HMCES: variants seen among roughly 807,000 people sequenced by gnomAD.
The protein encoded by HMCES is 5-hydroxymethylcytosine binding, ES cell specific.
Under a neutral mutation model 35.1 loss-of-function variants are expected in HMCES, and 27 were observed. The observed-to-expected ratio is 0.77, with a 90% CI of 0.57 to 1.06. The LOEUF (loss-of-function observed/expected upper bound fraction) is 1.06. Ranked by LOEUF, HMCES falls within the 50% of genes least tolerant of loss-of-function variation. The pLI, the probability that HMCES is intolerant of heterozygous loss-of-function variation, is 0.00. For missense variants in HMCES, 391 were observed against 430.4 expected (o/e 0.91, Z 0.81); for synonymous variants, 130 against 154.7 (o/e 0.84, Z 1.18).
At position 129,279,563 on chromosome 3, in the gene HMCES, C is replaced by G. The variant is rs1179495920; in HGVS notation, c.-23-147C>G. The G allele has an allele frequency of 2.6e-6, 2 of 768,672 alleles. No individual in the cohort carries two copies. The highest frequency in any genetic ancestry group is 3.5e-5 in the African/African-American group (2 of 56,708). The allele number at this position is 768,672 out of a possible 1,614,324, so 47.6% of individuals were successfully genotyped here. A position where few individuals can be genotyped will look rare whatever the true frequency, so the allele number is the denominator to read the frequency against. On this transcript the variant is annotated intron_variant, in intron 1 of 6. Transcript: ENST00000383463. The surrounding 1 kb of genome is among the most constrained non-coding windows in gnomAD (Gnocchi z 4.2). ...GCGAAGCAAACGGGCACATCCTTGTCTTTGTGGGACTTTTTGGGGAAGACT... is the reference window on the plus strand; with the variant it reads ...GCGAAGCAAACGGGCACATCCTTGTGTTTGTGGGACTTTTTGGGGAAGACT...
chr3:129,293,755 A>T (rs1476145553), intron 4 of HMCES, among the ~76,000 whole-genome samples: 2 of 151,674 alleles, frequency 1.3e-5, no homozygotes, highest in Non-Finnish European at 2.9e-5. Context: ...TTTAGTAGAG[A>T]CAGGGTTTCA....
intron 4 of HMCES, among the ~76,000 whole-genome samples, chr3:129,292,452 A>G (rs893158942): frequency 6.7e-6 from 1 of 148,316 alleles, no homozygotes; most frequent in African/African-American, 2.5e-5. Context: ...AGATTGCACC[A>G]CTGCACTCCA....
At chr3:129,280,917 C>T (rs544402900) in intron 2 of HMCES, among the ~76,000 whole-genome samples, 2 of 152,270 alleles carry the variant, frequency 1.3e-5, no homozygotes, top group South Asian at 2.1e-4. Flanking sequence ...ATGACCTTGA[C>T]ATGTTTTTAA....
At chr3:129,281,396 A>G (rs1368541856) in intron 2 of HMCES, among the ~76,000 whole-genome samples, 1 of 152,148 alleles carries the variant, frequency 6.6e-6, no homozygotes, top group Non-Finnish European at 1.5e-5. Flanking sequence ...ATCATTTTGA[A>G]ATAAAGATAA....
intron 4 of HMCES, among the ~76,000 whole-genome samples, chr3:129,294,190 G>A (rs755429293): frequency 7.2e-5 from 11 of 152,170 alleles, no homozygotes; most frequent in South Asian, 6.2e-4. Context: ...AGGCTAAGGC[G>A]GGCGGATCAT....
rs1285716557 is a variant in HMCES at position 129,304,784 on chromosome 3, AAGG to A, written c.1032_1034del (p.Glu345del). 32 of 1,613,840 alleles carry A rather than the reference AAGG, an allele frequency of 2.0e-5. No homozygotes were observed. The highest frequency in any genetic ancestry group is 2.6e-5 in the Non-Finnish European group (31 of 1,180,010). ...CCTAGAGCAATGGCTGAAGCGGGAG[AAGG>A]AGGAGGAACCTGTGGCCAAGCGTCC... On this transcript the variant is annotated inframe_deletion, in exon 7 of 7. Coordinates refer to ENST00000383463, the MANE Select transcript of HMCES (RefSeq NM_020187.3).
At chr3:129,287,339 T>G (rs1271894781) in intron 2 of HMCES, among the ~76,000 whole-genome samples, 2 of 152,028 alleles carry the variant, frequency 1.3e-5, no homozygotes, top group African/African-American at 4.8e-5. Flanking sequence ...TCCTCCTACC[T>G]CTGCCTTCTA....
chr3:129,281,922 G>A (rs1227568747), intron 2 of HMCES, among the ~76,000 whole-genome samples: 4 of 114,308 alleles, frequency 3.5e-5, no homozygotes, highest in Non-Finnish European at 5.0e-5. Flanking sequence ...GCAAGACTCA[G>A]TCTCAAAAAA....
At chr3:129,299,418 A>G (rs1312288608) in intron 5 of HMCES, among the ~76,000 whole-genome samples, 3 of 152,176 alleles carry the variant, frequency 2.0e-5, no homozygotes, top group Admixed American at 1.3e-4. Context: ...GATTCAATGT[A>G]TAGCCTTCTC....
chr3:129,298,108 T>C (rs1198284326), intron 4 of HMCES, among the ~76,000 whole-genome samples: 1 of 152,204 alleles, frequency 6.6e-6, no homozygotes, highest in Non-Finnish European at 1.5e-5. Flanking sequence ...GGTGGGCCAG[T>C]TCACGGAAGG....
At chr3:129,281,809 G>A (rs1007018923) in intron 2 of HMCES, among the ~76,000 whole-genome samples, 1 of 150,746 alleles carries the variant, frequency 6.6e-6, no homozygotes, top group Non-Finnish European at 1.5e-5. Context: ...TTTGAGATCA[G>A]TCTGGCCAAC....
chr3:129,302,230 C>A, intron 6 of HMCES, 88 bp downstream of exon 6: 1 of 1,169,330 alleles, frequency 8.6e-7, no homozygotes, highest in Non-Finnish European at 1.2e-6. Context: ...CTTTTATGAT[C>A]AGCCCTTTAA....
In HMCES at chr3:129,298,476, G is replaced by A. The variant is rs755672193; in HGVS notation, c.576G>A (p.Leu192=). 6.2e-7 allele frequency: 1 copy of A among 1,614,138 alleles called. No homozygotes were observed. Among genetic ancestry groups the A allele is most frequent in the South Asian group, 1.1e-5 (1 of 91,082 alleles). Residue 192 remains leucine (L), a synonymous_variant, in exon 5 of 7, where the codon CTG becomes CTA. Coordinates refer to ENST00000383463, the MANE Select transcript of HMCES (RefSeq NM_020187.3). ...AGCCCCCAGAGGGAGGAGATGTCCT[G>A]TATTCCTATACCATCATCACAGTGG... ...CWEPPEGGDV[L]YSYTIITVDS... is the part of the protein sequence containing the mutation.
Position 129,279,122 on chromosome 3 carries a change from C to A in HMCES, c.-24+217C>A, listed in dbSNP as rs541773958. 6.6e-6 allele frequency: 1 copy of A among 152,214 alleles called. No individual in the cohort carries two copies. The highest frequency in any genetic ancestry group is 1.5e-5 in the Non-Finnish European group (1 of 68,056). 9.4% of individuals were successfully genotyped at this position (152,214 alleles called of 1,614,324 possible). A position where few individuals can be genotyped will look rare whatever the true frequency, so the allele number is the denominator to read the frequency against. On this transcript the variant is annotated intron_variant, in intron 1 of 6. Transcript: ENST00000383463. The surrounding 1 kb of genome is among the most constrained non-coding windows in gnomAD (Gnocchi z 4.2). ...GCGGGGAGGGGCGAGGGATCGCGGC[C>A]GGTGGCTGGGGGCCACCTGCTCCCC...
chr3:129,279,866 G>A lies in HMCES; in HGVS notation c.134G>A (p.Ser45Asn), dbSNP rs1173998980. 2 of 1,610,974 alleles carry A rather than the reference G, an allele frequency of 1.2e-6. No individual in the cohort carries two copies. The highest frequency in any genetic ancestry group is 1.7e-6 in the Non-Finnish European group (2 of 1,178,948). The part of the protein sequence containing the change: ...PDKYCPSYNK[S>N]PQSNSPVLLS... The stretch of plus-strand genomic sequence containing the variant: ...AAGTACTGCCCCTCTTACAACAAGA[G>A]TCCTCAATCCAACAGCCCAGTGCTT... Residue 45 changes from serine to asparagine, a missense_variant, in exon 2 of 7, where the codon AGT becomes AAT. Coordinates refer to ENST00000383463, the MANE Select transcript of HMCES (RefSeq NM_020187.3). The surrounding 1 kb of genome is among the most constrained non-coding windows in gnomAD (Gnocchi z 4.2).
At chr3:129,298,112 C>T (rs1467269823) in intron 4 of HMCES, among the ~76,000 whole-genome samples, 3 of 152,116 alleles carry the variant, frequency 2.0e-5, no homozygotes, top group Non-Finnish European at 1.5e-5. Context: ...GGCCAGTTCA[C>T]GGAAGGCCTA....
intron 5 of HMCES, among the ~76,000 whole-genome samples, chr3:129,299,241 G>A (rs1202667747): frequency 6.6e-6 from 1 of 152,172 alleles, no homozygotes; most frequent in Non-Finnish European, 1.5e-5. Flanking sequence ...AGTGAGTGTT[G>A]GAAGAAATGC....
chr3:129,304,576 C>A lies in HMCES; in HGVS notation c.829-13C>A. ...TGAGCTGTATGGTTTGAGCTTTTTC[C>A]TCTTTCTTGTAGGAGCTCAGGGCAA... is the stretch of plus-strand genomic sequence containing the variant. On this transcript the variant is annotated splice_polypyrimidine_tract_variant and intron_variant, in intron 6 of 6. Coordinates refer to ENST00000383463, the MANE Select transcript of HMCES (RefSeq NM_020187.3). 6.2e-7 allele frequency: 1 copy of A among 1,610,790 alleles called. No individual in the cohort carries two copies. Among genetic ancestry groups the A allele is most frequent in the Admixed American group, 1.7e-5 (1 of 59,746 alleles).
At chr3:129,292,048 C>A (rs984438857) in intron 4 of HMCES, among the ~76,000 whole-genome samples, 10 of 151,954 alleles carry the variant, frequency 6.6e-5, no homozygotes, top group Non-Finnish European at 1.5e-4. Flanking sequence ...TGTACTCCAG[C>A]CTGAGTGACA....
Sources: gnomAD v4.1 joint callset for allele counts (sites outside exome capture counted in the v4.1 genomes callset) on GRCh38, gnomAD v4.1.1 for gene constraint, Gnocchi (gnomAD v3.1) non-coding constraint, MANE v1.5 for transcripts, NCBI Gene and HGNC (gene_info 2026-07-23, HGNC 2026-07-21) for gene names.